The following KLRG1 variants were observed in gnomAD, a reference collection of about 807,000 sequenced individuals.
The protein encoded by KLRG1 is killer cell lectin-like receptor subfamily G member 1.
In KLRG1, 16 loss-of-function variants were observed where a neutral mutation model predicts 21.8. That is an observed-to-expected ratio of 0.73 (90% CI 0.50 to 1.11). KLRG1 has a LOEUF of 1.11. Ranked by LOEUF, KLRG1 falls within the 50% of genes most tolerant of loss-of-function variation. The pLI is 0.00. For synonymous variants in KLRG1, 69 were observed against 75.9 expected, an observed-to-expected ratio of 0.91 and a Z score of 0.47; for missense variants, 173 against 218.3, an observed-to-expected ratio of 0.79 and a Z score of 1.31.
the KLRG1 span, among the ~76,000 whole-genome samples, chr12:9,122,801 TATAC>T: frequency 1.3e-5 from 2 of 152,184 alleles, no homozygotes; most frequent in East Asian, 1.9e-4. Context: ...CAAAGCAAGT[TATAC>T]ATACGTACTC....
chr12:9,156,825 G>A, the KLRG1 span, among the ~76,000 whole-genome samples: 1 of 152,134 alleles, frequency 6.6e-6, no homozygotes, highest in South Asian at 2.1e-4. Context: ...TAGAATCAGT[G>A]TAAATGGAAA....
the KLRG1 span, among the ~76,000 whole-genome samples, chr12:9,198,470 A>G: frequency 6.6e-6 from 1 of 152,204 alleles, no homozygotes; most frequent in Non-Finnish European, 1.5e-5. Context: ...TTGAATAAAA[A>G]TAAGTACATA....
chr12:9,080,258 G>C, the KLRG1 span: 3 of 920,054 alleles, frequency 3.3e-6, no homozygotes, highest in Non-Finnish European at 5.1e-6. Context: ...CCAGAAGCTA[G>C]GACTATGCCT....
the KLRG1 span, among the ~76,000 whole-genome samples, chr12:9,190,111 C>T: frequency 6.6e-6 from 1 of 152,206 alleles, no homozygotes; most frequent in African/African-American, 2.4e-5. Context: ...AAAAACAGAA[C>T]TATCATTTGA....
At chr12:8,962,629 T>C (rs936508959) in intron 1 of KLRG1, among the ~76,000 whole-genome samples, 56 of 149,716 alleles carry the variant, frequency 3.7e-4, no homozygotes, top group African/African-American at 1.3e-3. Flanking sequence ...GGTGGGAGGA[T>C]AGCTTGAGCC....
At chr12:9,081,478 C>T in the KLRG1 span, among the ~76,000 whole-genome samples, 2 of 152,160 alleles carry the variant, frequency 1.3e-5, no homozygotes, top group Non-Finnish European at 2.9e-5. Context: ...CAGGATCTTC[C>T]TCCCTCCACA....
intron 3 of KLRG1, among the ~76,000 whole-genome samples, chr12:8,996,042 G>A (rs1947121714): frequency 6.6e-6 from 1 of 152,152 alleles, no homozygotes; most frequent in Non-Finnish European, 1.5e-5. Flanking sequence ...AGTGATTGTG[G>A]CAAGGGCTTA....
At chr12:9,152,120 G>T in the KLRG1 span, 1 of 911,590 alleles carries the variant, frequency 1.1e-6, no homozygotes, top group Non-Finnish European at 1.8e-6. Flanking sequence ...TTTTTTTGAG[G>T]CAGGATGATG....
At chr12:9,104,192 G>A in the KLRG1 span, 1 of 1,576,262 alleles carries the variant, frequency 6.3e-7, no homozygotes, top group Admixed American at 1.9e-5. Flanking sequence ...TTGCAACCTT[G>A]TTTCCAAGGC....
the KLRG1 span, among the ~76,000 whole-genome samples, chr12:9,205,782 A>G: frequency 6.6e-6 from 1 of 152,218 alleles, no homozygotes; most frequent in African/African-American, 2.4e-5. Context: ...GCAATTTGAC[A>G]CAAGAAACCC....
chr12:8,983,084 G>T (rs1402266619), intron 1 of KLRG1, among the ~76,000 whole-genome samples: 1 of 151,990 alleles, frequency 6.6e-6, no homozygotes, highest in Non-Finnish European at 1.5e-5. Flanking sequence ...TTTTTAAAAT[G>T]ATTTGCCTTA....
chr12:9,181,973 A>G, the KLRG1 span: 1 of 1,612,750 alleles, frequency 6.2e-7, no homozygotes, highest in Non-Finnish European at 8.5e-7. Flanking sequence ...TAAATCGCTC[A>G]CCTTGTTGGC....
At chr12:9,138,339 C>A in the KLRG1 span, among the ~76,000 whole-genome samples, 1 of 152,012 alleles carries the variant, frequency 6.6e-6, no homozygotes, top group African/African-American at 2.4e-5. Flanking sequence ...ACCATCCTTG[C>A]ATCCTGGGAA....
At chr12:9,140,706 C>A in the KLRG1 span, among the ~76,000 whole-genome samples, 15 of 152,164 alleles carry the variant, frequency 9.9e-5, no homozygotes, top group South Asian at 3.1e-3. Context: ...TGGGTGAATT[C>A]CTCTCCTCCT....
intron 3 of KLRG1, among the ~76,000 whole-genome samples, chr12:9,003,438 T>C (rs778669851): frequency 9.9e-5 from 15 of 152,136 alleles, no homozygotes; most frequent in Non-Finnish European, 1.8e-4. Flanking sequence ...ATCTTTTAGA[T>C]CATGGCTATC....
At chr12:9,071,067 G>A in the KLRG1 span, among the ~76,000 whole-genome samples, 2 of 151,994 alleles carry the variant, frequency 1.3e-5, no homozygotes, top group Non-Finnish European at 2.9e-5. Flanking sequence ...TAATCTGCCC[G>A]CCTTGGCCTC....
chr12:9,205,750 T>C, the KLRG1 span, among the ~76,000 whole-genome samples: 2 of 152,208 alleles, frequency 1.3e-5, no homozygotes, highest in Non-Finnish European at 2.9e-5. Flanking sequence ...AACTCTTACT[T>C]TTTAAATTGT....
the KLRG1 span, among the ~76,000 whole-genome samples, chr12:9,051,275 G>A: frequency 6.6e-6 from 1 of 152,174 alleles, no homozygotes; most frequent in Non-Finnish European, 1.5e-5. Flanking sequence ...GGGATTACCA[G>A]CTGCAGAGAG....
chr12:8,962,663 C>G (rs4883204), intron 1 of KLRG1, among the ~76,000 whole-genome samples: 2 of 150,482 alleles, frequency 1.3e-5, no homozygotes, highest in African/African-American at 4.9e-5. Context: ...TTGCAGTGAG[C>G]TGAGATCACA....
Sources: allele counts gnomAD v4.1 joint callset (sites outside exome capture counted in the v4.1 genomes callset), GRCh38; gene constraint gnomAD v4.1.1; transcripts MANE v1.5; gene names NCBI Gene and HGNC (gene_info 2026-07-23, HGNC 2026-07-21).